The following CHD9 variants were observed in gnomAD, a reference collection of about 807,000 sequenced individuals.
CHD9 encodes the protein ATP-dependent chromatin remodeler CHD9.
Under a neutral mutation model 316.1 loss-of-function variants are expected in CHD9, and 77 were observed. The ratio of observed to expected loss-of-function variants is 0.24; its 90% confidence interval spans 0.20 to 0.29. CHD9 has a LOEUF of 0.29. Ranked by LOEUF, CHD9 falls within the 10% of genes least tolerant of loss-of-function variation. The pLI is 1.00. For missense variants in CHD9, 2,763 were observed against 3,438.1 expected (o/e 0.80, Z 4.91); for synonymous variants, 1,129 against 1,158.3 (o/e 0.97, Z 0.51).
chr16:53,209,028 G>A (rs113324929), intron 2 of CHD9, among the ~76,000 whole-genome samples: 55 of 152,154 alleles, frequency 3.6e-4, no homozygotes, highest in East Asian at 2.3e-3. Flanking sequence ...GGTTGTAGTC[G>A]TAAAGCAGAG....
rs200843469 is a variant in CHD9 at position 53,066,023 on chromosome 16, G to T, written c.-165+10946G>T. Among the ~76,000 whole-genome samples, 15 of 152,234 alleles carry T rather than the reference G, an allele frequency of 9.9e-5. No homozygotes were observed. The East Asian group carries it at 2.9e-3, about 29-fold the overall frequency. The stretch of plus-strand genomic sequence containing the variant: ...ATATCTACTCTCCTCGTATTTTGGG[G>T]TGGCTTACTGCATACCCACGAGTAA... On this transcript the variant is annotated intron_variant, in intron 1 of 38. Coordinates refer to ENST00000447540, the MANE Select transcript of CHD9 (RefSeq NM_001308319.2).
At chr16:53,316,752 C>T (rs1244497106) in intron 36 of CHD9, among the ~76,000 whole-genome samples, 1 of 152,000 alleles carries the variant, frequency 6.6e-6, no homozygotes, top group East Asian at 1.9e-4. Context: ...TATAAAGTCT[C>T]ATGGGAACAG....
intron 2 of CHD9, among the ~76,000 whole-genome samples, chr16:53,191,754 GAT>G (rs1286679911): frequency 6.6e-6 from 1 of 152,022 alleles, no homozygotes; most frequent in African/African-American, 2.4e-5. Flanking sequence ...TCTTTTTGTG[GAT>G]ATATGTTTTC....
chr16:53,065,742 T>C (rs1054010560), intron 1 of CHD9, among the ~76,000 whole-genome samples: 4 of 151,964 alleles, frequency 2.6e-5, no homozygotes, highest in African/African-American at 9.7e-5. Flanking sequence ...TCCACTACTC[T>C]GGACAATGTG....
intron 2 of CHD9, among the ~76,000 whole-genome samples, chr16:53,204,058 T>TATATATATACAC (rs773266940): frequency 9.5e-5 from 6 of 62,964 alleles, no homozygotes; most frequent in African/African-American, 1.3e-4. Context: ...AATATATATA[T>TATATATATACAC]ACACACACAC....
intron 1 of CHD9, among the ~76,000 whole-genome samples, chr16:53,109,694 T>TC (rs2152607480): frequency 3.1e-5 from 4 of 127,218 alleles, no homozygotes; most frequent in Non-Finnish European, 4.8e-5. Flanking sequence ...TTTTTTTTTT[T>TC]TTTTTTTTGA....
chr16:53,254,749 A>G, intron 18 of CHD9, 144 bp downstream of exon 18: 1 of 563,770 alleles, frequency 1.8e-6, no homozygotes, highest in Admixed American at 3.2e-5. Flanking sequence ...GGACAGAGCT[A>G]TGTTTAGTTA....
intron 24 of CHD9, among the ~76,000 whole-genome samples, chr16:53,284,397 T>C (rs1422435996): frequency 1.3e-5 from 2 of 151,650 alleles, no homozygotes; most frequent in Non-Finnish European, 2.9e-5. Flanking sequence ...TATATAAATA[T>C]ATAGTTGTGT....
At chr16:53,227,182 A>C in intron 5 of CHD9, 1 of 380,444 alleles carries the variant, frequency 2.6e-6, no homozygotes, top group Non-Finnish European at 4.7e-6. Context: ...TAAAAAGCAC[A>C]ATATGTTTGC....
chr16:53,285,770 G>A (rs1297071061), intron 25 of CHD9, 71 bp downstream of exon 25: 8 of 762,240 alleles, frequency 1.0e-5, no homozygotes, highest in Admixed American at 5.5e-5. Context: ...TCAGTTCATT[G>A]ATTTCCACTT....
At chr16:53,244,729 A>G (rs1258847167) in intron 13 of CHD9, among the ~76,000 whole-genome samples, 2 of 152,188 alleles carry the variant, frequency 1.3e-5, no homozygotes, top group Non-Finnish European at 2.9e-5. Context: ...CACGAATAGC[A>G]TACAAAGTGA....
chr16:53,326,635 A>G lies in CHD9; in HGVS notation c.*1740A>G, dbSNP rs986262077. 5 of 152,482 alleles carry G rather than the reference A, an allele frequency of 3.3e-5. No individual in the cohort carries two copies. The highest frequency in any genetic ancestry group is 1.2e-4 in the African/African-American group (5 of 41,434). The allele number at this position is 152,482 out of a possible 1,614,324, so 9.4% of individuals were successfully genotyped here. A position where few individuals can be genotyped will look rare whatever the true frequency, so the allele number is the denominator to read the frequency against. ...CAATGTCTTAGCAATAGTCTCTATA[A>G]TGCCCATCCAGGAGAAGTGGGTAGT... On this transcript the variant is annotated 3_prime_UTR_variant, in exon 39 of 39. Coordinates refer to ENST00000447540, the MANE Select transcript of CHD9 (RefSeq NM_001308319.2).
intron 1 of CHD9, among the ~76,000 whole-genome samples, chr16:53,125,446 G>C (rs1354936882): frequency 6.6e-6 from 1 of 152,056 alleles, no homozygotes; most frequent in Non-Finnish European, 1.5e-5. Flanking sequence ...ATGTTGGCCA[G>C]GCTGGTCTCG....
intron 7 of CHD9, among the ~76,000 whole-genome samples, chr16:53,228,201 G>C (rs2047822674): frequency 6.6e-6 from 1 of 151,774 alleles, no homozygotes; most frequent in Non-Finnish European, 1.5e-5. Flanking sequence ...TCATTGTATT[G>C]TTGAACTTTT....
intron 2 of CHD9, chr16:53,208,229 C>A (rs1416978289): frequency 8.4e-7 from 1 of 1,186,236 alleles, no homozygotes; most frequent in Non-Finnish European, 1.1e-6. Flanking sequence ...CTAAATAGGC[C>A]ATTTAGGAAT....
At chr16:53,203,031 T>C (rs1376913165) in intron 2 of CHD9, among the ~76,000 whole-genome samples, 1 of 152,178 alleles carries the variant, frequency 6.6e-6, no homozygotes, top group Non-Finnish European at 1.5e-5. Context: ...ATTGATAGTT[T>C]GAAGAAAAAT....
intron 1 of CHD9, among the ~76,000 whole-genome samples, chr16:53,086,544 T>A (rs1005767921): frequency 6.6e-6 from 1 of 152,158 alleles, no homozygotes; most frequent in Non-Finnish European, 1.5e-5. Flanking sequence ...CAGGTTCAGC[T>A]CTCAATTCCA....
chr16:53,196,187 C>G (rs2044899992), intron 2 of CHD9, among the ~76,000 whole-genome samples: 1 of 152,170 alleles, frequency 6.6e-6, no homozygotes. Context: ...TTTCCATGCT[C>G]TCATCTGCAT....
chr16:53,203,097 A>G (rs867859420), intron 2 of CHD9, among the ~76,000 whole-genome samples: 20 of 152,220 alleles, frequency 1.3e-4, no homozygotes, highest in African/African-American at 4.8e-4. Flanking sequence ...TTTGACACAT[A>G]TTACTAAAAT....
Sources: allele counts gnomAD v4.1 joint callset (sites outside exome capture counted in the v4.1 genomes callset), GRCh38; gene constraint gnomAD v4.1.1; transcripts MANE v1.5; gene names NCBI Gene and HGNC (gene_info 2026-07-23, HGNC 2026-07-21).